C10orf90: variants seen among roughly 807,000 people sequenced by gnomAD.
C10orf90 encodes (E2-independent) E3 ubiquitin-conjugating enzyme FATS.
C10orf90 carries 56 observed loss-of-function variants against 62.5 expected under a neutral mutation model. The ratio of observed to expected loss-of-function variants is 0.90; its 90% CI spans 0.72 to 1.12. The LOEUF (loss-of-function observed/expected upper bound fraction) is 1.12, where lower values mean the gene tolerates loss of function less well. Ranked by LOEUF, C10orf90 falls within the 50% of genes most tolerant of loss-of-function variation. The pLI is 0.00. For synonymous variants in C10orf90, 386 were observed against 340.4 expected (o/e 1.13, Z -1.47); for missense variants, 970 against 880.4 (o/e 1.10, Z -1.29).
rs367640785 is a variant in C10orf90 at position 126,667,579 on chromosome 10, G to T, written c.240+2662C>A. Among the ~76,000 whole-genome samples the T allele has an allele frequency of 3.9e-5, 6 of 152,228 alleles. No homozygotes were observed. The East Asian group carries it at 5.8e-4, about 15-fold the overall frequency. ...TCAGCCTGCACCTACCATCAGAAAGGTCTCCACAATCAATCAGGAGATGCT... is the reference window on the plus strand; with the variant it reads ...TCAGCCTGCACCTACCATCAGAAAGTTCTCCACAATCAATCAGGAGATGCT... On this transcript the variant is annotated intron_variant, in intron 1 of 9. Coordinates refer to ENST00000488181, the MANE Select transcript of C10orf90 (RefSeq NM_001350921.2).
chr10:126,579,792 C>T (rs1022912944), intron 2 of C10orf90, among the ~76,000 whole-genome samples: 1 of 152,000 alleles, frequency 6.6e-6, no homozygotes, highest in Non-Finnish European at 1.5e-5. Flanking sequence ...TTACTGAGCA[C>T]TAAATGCCAG....
chr10:126,466,726 CA>C (rs1009611856), intron 4 of C10orf90, among the ~76,000 whole-genome samples: 66 of 152,252 alleles, frequency 4.3e-4, no homozygotes, highest in African/African-American at 1.5e-3. Context: ...TTCTTATGCA[CA>C]AATAAACAAA....
intron 2 of C10orf90, among the ~76,000 whole-genome samples, chr10:126,603,338 T>C (rs1487876403): frequency 6.6e-6 from 1 of 152,038 alleles, no homozygotes; most frequent in African/African-American, 2.4e-5. Flanking sequence ...GAAAAGCCCC[T>C]TATAAAACCA....
In C10orf90 at chr10:126,503,980, A is replaced by ATT. The variant is rs1352408488; in HGVS notation, c.1510_1511insAA (p.Ile504LysfsTer28). The ATT allele has an allele frequency of 5.0e-6, 8 of 1,612,124 alleles. No individual in the cohort carries two copies. In the African/African-American group the frequency reaches 9.3e-5, roughly 19 times the overall value. ...ACCTGCCCTGTAACTCCAGCCAGGA[A>ATT]TGTGAATGGACAGTTGGTTGGCATG... is the stretch of plus-strand genomic sequence containing the variant. On this transcript the variant is annotated frameshift_variant, in exon 4 of 10. Coordinates refer to ENST00000488181, the MANE Select transcript of C10orf90 (RefSeq NM_001350921.2). LOFTEE classifies it high-confidence loss of function.
intron 4 of C10orf90, chr10:126,469,827 G>T (rs557274407): frequency 4.4e-6 from 2 of 456,070 alleles, no homozygotes; most frequent in Non-Finnish European, 8.8e-6. Flanking sequence ...GCAGGCTTGG[G>T]TGTCTGTTGA....
chr10:126,563,362 C>T (rs544037267), intron 2 of C10orf90, among the ~76,000 whole-genome samples: 1 of 152,264 alleles, frequency 6.6e-6, no homozygotes, highest in South Asian at 2.1e-4. Context: ...CCTGGGCAGC[C>T]CAGGCCAAGC....
chr10:126,510,377 TA>T (rs1863029972), intron 3 of C10orf90, among the ~76,000 whole-genome samples: 1 of 152,334 alleles, frequency 6.6e-6, no homozygotes, highest in South Asian at 2.1e-4. Context: ...CTCTAGAAAG[TA>T]ATTACATCTT....
intron 7 of C10orf90, among the ~76,000 whole-genome samples, chr10:126,458,678 C>T (rs1859742869): frequency 6.6e-6 from 1 of 152,088 alleles, no homozygotes; most frequent in South Asian, 2.1e-4. Context: ...AACCTCTCAC[C>T]CCGAGATCTG....
intron 4 of C10orf90, chr10:126,496,727 G>A (rs1862079737): frequency 1.0e-6 from 1 of 985,158 alleles, no homozygotes; most frequent in Non-Finnish European, 1.2e-6. Flanking sequence ...ATGGGGATGG[G>A]GAAAGGTAGT....
chr10:126,576,561 A>G (rs1591113705), intron 2 of C10orf90, among the ~76,000 whole-genome samples: 1 of 151,660 alleles, frequency 6.6e-6, no homozygotes, highest in South Asian at 2.1e-4. Context: ...CAGCAATCCC[A>G]CTACTGGGCA....
intron 2 of C10orf90, among the ~76,000 whole-genome samples, chr10:126,560,694 G>T (rs1436394958): frequency 6.6e-6 from 1 of 152,100 alleles, no homozygotes; most frequent in Non-Finnish European, 1.5e-5. Flanking sequence ...TTCTGAAAGG[G>T]CCAGAGAGTC....
At chr10:126,654,483 G>A (rs1054700186) in intron 1 of C10orf90, among the ~76,000 whole-genome samples, 1 of 152,186 alleles carries the variant, frequency 6.6e-6, no homozygotes, top group African/African-American at 2.4e-5. Flanking sequence ...AGGCTTCATA[G>A]AATTATGGCT....
chr10:126,644,399 A>T (rs1846123961), intron 2 of C10orf90, among the ~76,000 whole-genome samples: 1 of 152,242 alleles, frequency 6.6e-6, no homozygotes, highest in Admixed American at 6.5e-5. Context: ...GAAGACACAG[A>T]AAACATGAGA....
chr10:126,610,548 G>T (rs1480139207), intron 2 of C10orf90, among the ~76,000 whole-genome samples: 2 of 152,214 alleles, frequency 1.3e-5, no homozygotes, highest in Admixed American at 1.3e-4. Flanking sequence ...AACACTCTGG[G>T]AAGGCAGACA....
intron 4 of C10orf90, among the ~76,000 whole-genome samples, chr10:126,469,073 G>T (rs566335518): frequency 4.6e-5 from 7 of 152,240 alleles, no homozygotes; most frequent in African/African-American, 1.4e-4. Context: ...TGGTTGCTAA[G>T]GAGAGAAACC....
intron 2 of C10orf90, among the ~76,000 whole-genome samples, chr10:126,552,255 C>A (rs1280716826): frequency 6.6e-6 from 1 of 152,168 alleles, no homozygotes; most frequent in Non-Finnish European, 1.5e-5. Context: ...GTAGTATACA[C>A]TCAATAAATA....
intron 2 of C10orf90, among the ~76,000 whole-genome samples, chr10:126,544,638 T>C (rs143563970): frequency 1.1e-4 from 17 of 151,916 alleles, no homozygotes; most frequent in African/African-American, 3.9e-4. Flanking sequence ...TTATGTTAAA[T>C]GAATATAAAG....
At chr10:126,571,808 A>T (rs2134004497) in intron 2 of C10orf90, among the ~76,000 whole-genome samples, 1 of 152,126 alleles carries the variant, frequency 6.6e-6, no homozygotes, top group Admixed American at 6.5e-5. Flanking sequence ...GCGTAAATAA[A>T]CCCAAGACCT....
At chr10:126,608,531 A>T (rs1291512740) in intron 2 of C10orf90, among the ~76,000 whole-genome samples, 1 of 152,250 alleles carries the variant, frequency 6.6e-6, no homozygotes, top group African/African-American at 2.4e-5. Context: ...GTTTTGGTGT[A>T]GTATCAAGGA....
Sources: gnomAD v4.1 joint callset for allele counts (sites outside exome capture counted in the v4.1 genomes callset) on GRCh38, gnomAD v4.1.1 for gene constraint, MANE v1.5 for transcripts, NCBI Gene and HGNC (gene_info 2026-07-23, HGNC 2026-07-21) for gene names.